The following KLF8 variants were observed in gnomAD, a reference collection of about 807,000 sequenced individuals.
KLF8 encodes Krueppel-like factor 8.
KLF8 carries 10 observed loss-of-function variants against 18.2 expected under a neutral mutation model. That is an observed-to-expected ratio of 0.55 (90% CI 0.34 to 0.93). KLF8 has a LOEUF of 0.93. Ranked by LOEUF, KLF8 falls within the 40% of genes least tolerant of loss-of-function variation. The pLI, the probability that KLF8 is intolerant of heterozygous loss-of-function variation, is 0.02. For synonymous variants in KLF8, 109 were observed against 97.3 expected, an observed-to-expected ratio of 1.12 and a Z score of -0.71; for missense variants, 264 against 277.9, an observed-to-expected ratio of 0.95 and a Z score of 0.36.
At chrX:56,048,679 T>G in the KLF8 span, among the ~76,000 whole-genome samples, 2 of 111,872 alleles carry the variant, frequency 1.8e-5, 1 homozygote, top group South Asian at 7.5e-4. Context: ...AGCCTTGTAG[T>G]ATAGTTTGAA....
chrX:56,108,080 T>C, the KLF8 span, among the ~76,000 whole-genome samples: 1 of 112,196 alleles, frequency 8.9e-6, no homozygotes, highest in Non-Finnish European at 1.9e-5. Flanking sequence ...TGCTGAGTTT[T>C]GTTATTAGCT....
At position 56,290,010 on chromosome X, in the gene KLF8, A is replaced by T. The variant is rs1447469160; in HGVS notation, c.*5516A>T. On this transcript the variant is annotated 3_prime_UTR_variant, in exon 6 of 6. Coordinates refer to ENST00000468660, the MANE Select transcript of KLF8 (RefSeq NM_007250.5). ...TGCTCCACAGTTTGCTAATTCTTGT[A>T]TGAGGTACTGTAGAGGGATGGATAC... Among the ~76,000 whole-genome samples the T allele has an allele frequency of 2.7e-5, 3 of 111,758 alleles. No homozygotes were observed. Among genetic ancestry groups the T allele is most frequent in the Middle Eastern group, 4.2e-3 (1 of 240 alleles).
the KLF8 span, among the ~76,000 whole-genome samples, chrX:56,049,818 A>G: frequency 9.1e-6 from 1 of 109,342 alleles, no homozygotes; most frequent in Non-Finnish European, 1.9e-5. Flanking sequence ...TTTTCTATTG[A>G]TTGGAATAGC....
the KLF8 span, among the ~76,000 whole-genome samples, chrX:56,050,618 C>T: frequency 2.7e-5 from 3 of 112,290 alleles, no homozygotes; most frequent in Non-Finnish European, 3.8e-5. Context: ...TTTGATTGCA[C>T]TGTTGTCTAA....
chrX:55,942,386 G>A, the KLF8 span, among the ~76,000 whole-genome samples: 3 of 110,004 alleles, frequency 2.7e-5, no homozygotes, highest in African/African-American at 9.9e-5. Flanking sequence ...GGGTGGTGGG[G>A]TGGAATAGCA....
At chrX:56,079,242 C>A in the KLF8 span, among the ~76,000 whole-genome samples, 3 of 111,094 alleles carry the variant, frequency 2.7e-5, no homozygotes, top group Non-Finnish European at 3.8e-5. Flanking sequence ...GTTAGGGTGT[C>A]AATTTTGGAT....
the KLF8 span, among the ~76,000 whole-genome samples, chrX:56,011,409 T>C: frequency 8.9e-5 from 10 of 111,903 alleles, no homozygotes; most frequent in African/African-American, 2.9e-4. Flanking sequence ...AAAGAAGAAG[T>C]TCTTTGAAAC....
intron 2 of KLF8, among the ~76,000 whole-genome samples, chrX:56,263,512 G>C (rs372151005): frequency 9.5e-6 from 1 of 105,069 alleles, no homozygotes; most frequent in African/African-American, 3.3e-5. Context: ...TTGACGCAGA[G>C]TCTTGCTCTG....
At chrX:56,128,669 C>A in the KLF8 span, among the ~76,000 whole-genome samples, 2 of 111,059 alleles carry the variant, frequency 1.8e-5, no homozygotes, top group African/African-American at 6.6e-5. Flanking sequence ...GGTTTTGCAC[C>A]CATCTATAAG....
the KLF8 span, among the ~76,000 whole-genome samples, chrX:56,167,831 G>A: frequency 8.9e-6 from 1 of 112,235 alleles, no homozygotes; most frequent in Non-Finnish European, 1.9e-5. Context: ...ACTACCTCTT[G>A]ATGACCTGTG....
chrX:56,088,088 CGTT>C, the KLF8 span, among the ~76,000 whole-genome samples: 2 of 110,940 alleles, frequency 1.8e-5, no homozygotes, highest in East Asian at 5.6e-4. Flanking sequence ...TTGGGAAAAT[CGTT>C]GTAAAAGGAA....
the KLF8 span, among the ~76,000 whole-genome samples, chrX:56,047,146 T>C: frequency 9.0e-6 from 1 of 110,979 alleles, no homozygotes; most frequent in Non-Finnish European, 1.9e-5. Flanking sequence ...CTTATTTGAC[T>C]CTATTGCTGA....
the KLF8 span, among the ~76,000 whole-genome samples, chrX:56,051,331 T>A: frequency 1.1e-4 from 12 of 110,585 alleles, no homozygotes; most frequent in African/African-American, 4.0e-4. Flanking sequence ...CTGGTTATTT[T>A]GCTCGTTAGT....
the KLF8 span, among the ~76,000 whole-genome samples, chrX:56,035,469 T>C: frequency 8.9e-6 from 1 of 112,142 alleles, no homozygotes; most frequent in Non-Finnish European, 1.9e-5. Context: ...TTTTATTTCC[T>C]TTAAATAAAT....
the KLF8 span, among the ~76,000 whole-genome samples, chrX:56,006,075 C>T: frequency 8.9e-6 from 1 of 112,242 alleles, no homozygotes; most frequent in Non-Finnish European, 1.9e-5. Flanking sequence ...TCAACAGTCC[C>T]CTTAAGGCTA....
the KLF8 span, among the ~76,000 whole-genome samples, chrX:56,201,354 AGGCAAAGAAAGACAAG>A: frequency 8.9e-6 from 1 of 112,084 alleles, no homozygotes; most frequent in Non-Finnish European, 1.9e-5. Flanking sequence ...TAAATAAACC[AGGCAAAGAAAGACAAG>A]CACTATGTGA....
chrX:56,066,410 G>T, the KLF8 span, among the ~76,000 whole-genome samples: 1 of 112,279 alleles, frequency 8.9e-6, no homozygotes, highest in Admixed American at 9.4e-5. Flanking sequence ...ATGGTAGACA[G>T]GGGCCTGGAT....
At chrX:56,167,873 C>T in the KLF8 span, among the ~76,000 whole-genome samples, 1 of 112,273 alleles carries the variant, frequency 8.9e-6, no homozygotes. Flanking sequence ...ACATATATTA[C>T]TTAGCAGATT....
At chrX:56,187,402 G>C in the KLF8 span, among the ~76,000 whole-genome samples, 3 of 111,486 alleles carry the variant, frequency 2.7e-5, no homozygotes, top group African/African-American at 9.8e-5. Flanking sequence ...ACCAAAAAGA[G>C]TCCACGACCA....
Sources: allele counts gnomAD v4.1 joint callset (sites outside exome capture counted in the v4.1 genomes callset), GRCh38; gene constraint gnomAD v4.1.1; transcripts MANE v1.5; gene names NCBI Gene and HGNC (gene_info 2026-07-23, HGNC 2026-07-21).